The following NSUN3 variants were observed in gnomAD, a reference collection of about 807,000 sequenced individuals.
The protein encoded by NSUN3 is NOP2/Sun RNA methyltransferase 3, also known as tRNA (cytosine(34)-C(5))-methyltransferase, mitochondrial.
NSUN3 carries 24 observed loss-of-function variants against 36.8 expected under a neutral mutation model. That is an observed-to-expected ratio of 0.65 (90% CI 0.47 to 0.92). The LOEUF (loss-of-function observed/expected upper bound fraction) is 0.92. Among genes scored for constraint, NSUN3 ranks in the 40% least tolerant of loss-of-function variants. NSUN3 has a pLI of 0.00. For missense variants in NSUN3, 381 were observed against 392.8 expected, an observed-to-expected ratio of 0.97 and a Z score of 0.25; for synonymous variants, 146 against 145.2, an observed-to-expected ratio of 1.01 and a Z score of -0.04.
At chr3:94,091,333 C>A (rs2077314097) in intron 3 of NSUN3, among the ~76,000 whole-genome samples, 1 of 151,580 alleles carries the variant, frequency 6.6e-6, no homozygotes, top group African/African-American at 2.4e-5. Context: ...AGAGCAAAAG[C>A]AAAATAGAGA....
At chr3:94,071,798 C>T (rs905443965) in intron 2 of NSUN3, among the ~76,000 whole-genome samples, 4 of 152,146 alleles carry the variant, frequency 2.6e-5, no homozygotes, top group African/African-American at 9.7e-5. Flanking sequence ...TGGCACCTGG[C>T]CGCTGTTTTC....
intron 2 of NSUN3, among the ~76,000 whole-genome samples, chr3:94,073,881 A>G (rs62265490): frequency 0.02 from 3,064 of 152,248 alleles, 37 homozygotes; most frequent in Non-Finnish European, 0.033. Flanking sequence ...GCCCATGCCT[A>G]TGTCCTGAAT....
In NSUN3 at chr3:94,128,739, T is replaced by G. The variant is rs550867115; in HGVS notation, c.*2249T>G. ...ACAGGATGGGAGAAATATTTGCAAA[T>G]TATGCATCTGCCAAAGGTCTAATAT... On this transcript the variant is annotated 3_prime_UTR_variant, in exon 6 of 6. Transcript: ENST00000314622. Among the ~76,000 whole-genome samples the G allele has an allele frequency of 4.6e-5, 7 of 152,012 alleles. No homozygotes were observed. The highest frequency in any genetic ancestry group is 5.9e-5 in the Non-Finnish European group (4 of 67,960).
intron 3 of NSUN3, among the ~76,000 whole-genome samples, chr3:94,087,632 A>G (rs1012869947): frequency 2.6e-5 from 4 of 152,218 alleles, no homozygotes; most frequent in Non-Finnish European, 4.4e-5. Context: ...GCTGAAGGCT[A>G]TGTCCCTCTA....
chr3:94,088,682 T>C (rs534529569), intron 3 of NSUN3, among the ~76,000 whole-genome samples: 1 of 151,454 alleles, frequency 6.6e-6, no homozygotes, highest in South Asian at 2.1e-4. Context: ...TTTTTTTTTT[T>C]TTTTTTTAGA....
At chr3:94,115,610 G>A (rs2077436842) in intron 5 of NSUN3, among the ~76,000 whole-genome samples, 1 of 152,108 alleles carries the variant, frequency 6.6e-6, no homozygotes, top group South Asian at 2.1e-4. Context: ...TTTATCTTCT[G>A]GTGATAAGTC....
chr3:94,097,834 T>G (rs1233692788), intron 5 of NSUN3, among the ~76,000 whole-genome samples: 1 of 152,148 alleles, frequency 6.6e-6, no homozygotes, highest in East Asian at 1.9e-4. Context: ...AATTTTGGGT[T>G]TCTTTAGCCT....
intron 5 of NSUN3, among the ~76,000 whole-genome samples, chr3:94,099,737 A>AG (rs1225366316): frequency 6.6e-6 from 1 of 151,944 alleles, no homozygotes; most frequent in Middle Eastern, 3.4e-3. Flanking sequence ...TAAAAAGATA[A>AG]GGGGAAAAAA....
rs748019344 is a variant in NSUN3, at chr3:94,095,167, A to G, written c.743+13A>G. The G allele has an allele frequency of 6.2e-7, 1 of 1,611,306 alleles. No homozygotes were observed. The highest frequency in any genetic ancestry group is 2.2e-5 in the East Asian group (1 of 44,798). On this transcript the variant is annotated intron_variant, in intron 5 of 5. Transcript: ENST00000314622. ...TAGAGCTGTTAAGGTAAGGACTGTT[A>G]ATACAAAAGTGTATTTTGGTGTCTG...
intron 3 of NSUN3, among the ~76,000 whole-genome samples, chr3:94,086,483 G>C (rs981344949): frequency 6.6e-6 from 1 of 152,190 alleles, no homozygotes; most frequent in Admixed American, 6.5e-5. Flanking sequence ...CTGTCCCTTA[G>C]AACATTGGTG....
rs377405389 is a variant in NSUN3, at chr3:94,077,271, T to A, written c.123-6836T>A. The A allele has an allele frequency of 2.0e-5, 11 of 556,310 alleles. No individual in the cohort carries two copies. The East Asian group carries it at 3.3e-4, about 16-fold the overall frequency. 34.5% of individuals were successfully genotyped at this position (556,310 alleles called of 1,614,324 possible). ...TGATTTGCATATGTTGAACCAGTCTTGCATCCCAGGTATGAAGTTGACATC... is the reference window on the plus strand; with the variant it reads ...TGATTTGCATATGTTGAACCAGTCTAGCATCCCAGGTATGAAGTTGACATC... On this transcript the variant is annotated intron_variant, in intron 2 of 5. Coordinates refer to ENST00000314622, the MANE Select transcript of NSUN3 (RefSeq NM_022072.5).
intron 2 of NSUN3, chr3:94,076,551 C>G: frequency 1.2e-6 from 1 of 810,432 alleles, no homozygotes; most frequent in Admixed American, 1.7e-5. Flanking sequence ...TCCTTTGGAA[C>G]AGCACTGATG....
intron 5 of NSUN3, among the ~76,000 whole-genome samples, chr3:94,098,568 A>C (rs971171810): frequency 2.0e-5 from 3 of 152,174 alleles, no homozygotes; most frequent in Non-Finnish European, 4.4e-5. Flanking sequence ...GCAATACTTC[A>C]TACTGTTAGT....
intron 5 of NSUN3, among the ~76,000 whole-genome samples, chr3:94,102,866 A>T (rs569846704): frequency 6.6e-6 from 1 of 151,950 alleles, no homozygotes; most frequent in African/African-American, 2.4e-5. Context: ...TACATTATCT[A>T]CTTTTTAAAA....
intron 2 of NSUN3, chr3:94,076,684 A>G (rs56261493): frequency 8.1e-7 from 1 of 1,235,716 alleles, no homozygotes; most frequent in Admixed American, 1.7e-5. Context: ...TGCAGTCTCC[A>G]GAAAGATCTG....
In NSUN3 at chr3:94,113,012, C is replaced by T. The variant is rs553517842; in HGVS notation, c.744-13199C>T. Among the ~76,000 whole-genome samples the T allele has an allele frequency of 2.6e-5, 4 of 152,122 alleles. No individual in the cohort carries two copies. In the East Asian group the frequency reaches 7.8e-4, roughly 29 times the overall value. ...CCCAAGTAGCTGGGACTACAGGGAC[C>T]CGCCACCATGCCCGGCTAATTTTTT... On this transcript the variant is annotated intron_variant, in intron 5 of 5. Coordinates refer to ENST00000314622, the MANE Select transcript of NSUN3 (RefSeq NM_022072.5).
chr3:94,063,191 C>T (rs941832304), intron 1 of NSUN3, 53 bp downstream of exon 1: 48 of 1,601,132 alleles, frequency 3.0e-5, no homozygotes, highest in Non-Finnish European at 3.8e-5. Context: ...CGCTTCTGGA[C>T]GCGGCCGAGG....
At chr3:94,110,688 G>A (rs968386050) in intron 5 of NSUN3, among the ~76,000 whole-genome samples, 2 of 151,576 alleles carry the variant, frequency 1.3e-5, no homozygotes, top group Non-Finnish European at 2.9e-5. Flanking sequence ...AAGAATCACT[G>A]ACTATATTAG....
intron 3 of NSUN3, among the ~76,000 whole-genome samples, chr3:94,093,754 T>C (rs1482344819): frequency 6.6e-6 from 1 of 152,216 alleles, no homozygotes; most frequent in Non-Finnish European, 1.5e-5. Context: ...TTACCACCTG[T>C]GTTTACTCTT....
Sources: allele counts gnomAD v4.1 joint callset (sites outside exome capture counted in the v4.1 genomes callset), GRCh38; gene constraint gnomAD v4.1.1; transcripts MANE v1.5; gene names NCBI Gene and HGNC (gene_info 2026-07-23, HGNC 2026-07-21).